SDK1: variants seen among roughly 807,000 people sequenced by gnomAD.
The protein encoded by SDK1 is protein sidekick-1.
A neutral mutation model predicts 245.5 loss-of-function variants in SDK1; 157 were observed. The observed-to-expected ratio is 0.64, with a 90% CI of 0.56 to 0.73. The LOEUF is 0.73. Ranked by LOEUF, SDK1 falls within the 30% of genes least tolerant of loss-of-function variation. The pLI is 0.00. For missense variants in SDK1, 3,583 were observed against 3,002.3 expected (o/e 1.19, Z -4.52); for synonymous variants, 1,647 against 1,278.5 (o/e 1.29, Z -6.15).
intron 5 of SDK1, among the ~76,000 whole-genome samples, chr7:3,839,693 G>A (rs545291844): frequency 6.6e-6 from 1 of 152,216 alleles, no homozygotes; most frequent in South Asian, 2.1e-4. Context: ...TTATCTCATT[G>A]AGATGTATTT....
At chr7:3,935,454 G>T (rs1172361256) in intron 5 of SDK1, among the ~76,000 whole-genome samples, 1 of 152,192 alleles carries the variant, frequency 6.6e-6, no homozygotes, top group Non-Finnish European at 1.5e-5. Context: ...CTGTGGAATG[G>T]GAGGAAGTAT....
chr7:3,793,812 G>C (rs1283778735), intron 4 of SDK1, among the ~76,000 whole-genome samples: 1 of 152,134 alleles, frequency 6.6e-6, no homozygotes, highest in Non-Finnish European at 1.5e-5. Context: ...ATGCAGGGGT[G>C]GGGGTGGAGA....
At chr7:3,390,117 T>C (rs1026223171) in intron 1 of SDK1, among the ~76,000 whole-genome samples, 3 of 152,136 alleles carry the variant, frequency 2.0e-5, no homozygotes, top group Admixed American at 1.3e-4. Context: ...TCCAAGCAAA[T>C]TGTTGAAGGT....
At chr7:3,901,952 C>G (rs941624756) in intron 5 of SDK1, among the ~76,000 whole-genome samples, 1 of 152,106 alleles carries the variant, frequency 6.6e-6, no homozygotes, top group Non-Finnish European at 1.5e-5. Context: ...TTCAGAGTAT[C>G]TCCTCTATCT....
intron 39 of SDK1, among the ~76,000 whole-genome samples, chr7:4,221,013 A>G (rs1321091968): frequency 6.6e-6 from 1 of 151,696 alleles, no homozygotes; most frequent in African/African-American, 2.4e-5. Flanking sequence ...GGCTCAAGCG[A>G]TCCACCTATC....
At chr7:3,368,029 A>G (rs2128562488) in intron 1 of SDK1, among the ~76,000 whole-genome samples, 1 of 152,328 alleles carries the variant, frequency 6.6e-6, no homozygotes, top group East Asian at 1.9e-4. Flanking sequence ...ACATCATCAG[A>G]TCTCTTATTG....
intron 1 of SDK1, among the ~76,000 whole-genome samples, chr7:3,503,005 T>C (rs1399296974): frequency 2.0e-5 from 3 of 152,202 alleles, no homozygotes; most frequent in Non-Finnish European, 2.9e-5. Context: ...ACACTGGTGA[T>C]GTTATTAATA....
intron 16 of SDK1, among the ~76,000 whole-genome samples, chr7:4,013,998 G>C (rs910355995): frequency 1.3e-5 from 2 of 152,248 alleles, no homozygotes; most frequent in African/African-American, 4.8e-5. Context: ...GCGGCCGAGG[G>C]CTCCTGTGGC....
intron 28 of SDK1, among the ~76,000 whole-genome samples, chr7:4,133,393 T>A (rs1784975641): frequency 6.6e-6 from 1 of 152,194 alleles, no homozygotes; most frequent in South Asian, 2.1e-4. Context: ...GAGGAATGAA[T>A]GAGGTGTGCC....
intron 1 of SDK1, among the ~76,000 whole-genome samples, chr7:3,470,723 A>G (rs1199054745): frequency 1.3e-5 from 2 of 152,174 alleles, no homozygotes; most frequent in African/African-American, 4.8e-5. Flanking sequence ...CAGCAGGAGA[A>G]TCCAGTTTTC....
chr7:3,469,611 C>A (rs1781120776), intron 1 of SDK1, among the ~76,000 whole-genome samples: 1 of 152,108 alleles, frequency 6.6e-6, no homozygotes, highest in African/African-American at 2.4e-5. Context: ...GTATGTATGC[C>A]TAGCTTTTCC....
chr7:4,015,559 G>A lies in SDK1; in HGVS notation c.2421-1612G>A, dbSNP rs770640333. Among the ~76,000 whole-genome samples the A allele has an allele frequency of 7.2e-5, 11 of 152,188 alleles. No individual in the cohort carries two copies. The East Asian group carries it at 1.2e-3, about 16-fold the overall frequency. ...CAAGCCTTTCTCCCAGTGGCCCACC[G>A]CCTTGAGGACCATCATGCTACGTCG... On this transcript the variant is annotated intron_variant, in intron 16 of 44. Transcript: ENST00000404826.
At chr7:3,431,640 A>G (rs1779850758) in intron 1 of SDK1, among the ~76,000 whole-genome samples, 2 of 152,130 alleles carry the variant, frequency 1.3e-5, no homozygotes, top group Non-Finnish European at 2.9e-5. Flanking sequence ...ATTGTAATCT[A>G]CTTTCAGCTC....
chr7:4,115,636 A>G (rs1783656441), intron 25 of SDK1, among the ~76,000 whole-genome samples: 2 of 152,112 alleles, frequency 1.3e-5, no homozygotes, highest in African/African-American at 4.8e-5. Context: ...AGGGCACAGA[A>G]TCGCTCTTGA....
At chr7:4,051,393 G>A (rs1789465880) in intron 18 of SDK1, among the ~76,000 whole-genome samples, 1 of 150,456 alleles carries the variant, frequency 6.6e-6, no homozygotes, top group African/African-American at 2.4e-5. Context: ...ATTCTAATAT[G>A]AGTTAAGTAG....
chr7:4,021,197 G>A (rs1441453502), intron 17 of SDK1, among the ~76,000 whole-genome samples: 1 of 152,176 alleles, frequency 6.6e-6, no homozygotes, highest in Admixed American at 6.5e-5. Context: ...CCCTGGAGGT[G>A]AGACTGTCAT....
At chr7:4,125,523 G>A (rs143260754) in intron 25 of SDK1, among the ~76,000 whole-genome samples, 349 of 152,228 alleles carry the variant, frequency 2.3e-3, no homozygotes, top group Non-Finnish European at 4.3e-3. Context: ...GGAGATGGAT[G>A]GATGGTTGGA....
intron 1 of SDK1, among the ~76,000 whole-genome samples, chr7:3,481,205 T>C (rs1254583174): frequency 6.6e-6 from 1 of 152,248 alleles, no homozygotes; most frequent in Non-Finnish European, 1.5e-5. Context: ...AATAATCCTT[T>C]ACAGTAGGTA....
chr7:3,883,031 C>A (rs1200174282), intron 5 of SDK1, among the ~76,000 whole-genome samples: 3 of 152,150 alleles, frequency 2.0e-5, no homozygotes, highest in Non-Finnish European at 1.5e-5. Context: ...GAAATTGGAA[C>A]ATAGGAACTG....
Sources: allele counts gnomAD v4.1 joint callset (sites outside exome capture counted in the v4.1 genomes callset), GRCh38; gene constraint gnomAD v4.1.1; transcripts MANE v1.5; gene names NCBI Gene and HGNC (gene_info 2026-07-23, HGNC 2026-07-21).